Variants in NOTCH3 observed in about 807,000 individuals in gnomAD.
NOTCH3 encodes the protein neurogenic locus notch homolog protein 3.
A neutral mutation model predicts 213.3 loss-of-function variants in NOTCH3; 86 were observed. The observed-to-expected ratio is 0.40, with a 90% confidence interval of 0.34 to 0.48. The LOEUF (loss-of-function observed/expected upper bound fraction) is 0.48, where lower values mean the gene tolerates loss of function less well. Ranked by LOEUF, NOTCH3 falls within the 20% of genes least tolerant of loss-of-function variation. The probability of loss-of-function intolerance (pLI) is 0.57; values close to 1 mark genes in which losing one functional copy is unlikely to be tolerated. For synonymous variants in NOTCH3, 1,354 were observed against 1,355.9 expected, an observed-to-expected ratio of 1.00 and a Z score of 0.03; for missense variants, 2,783 against 3,272.6, an observed-to-expected ratio of 0.85 and a Z score of 3.65.
chr19:15,187,585 C>T (rs2046893911), intron 10 of NOTCH3, among the ~76,000 whole-genome samples: 1 of 151,660 alleles, frequency 6.6e-6, no homozygotes, highest in Admixed American at 6.6e-5. Flanking sequence ...GGCCCCACCT[C>T]CAGCCCTGTT....
chr19:15,165,017 T>A lies in NOTCH3; in HGVS notation c.5815+351A>T, dbSNP rs149069447. Among the ~76,000 whole-genome samples, 7 of 152,266 alleles carry A rather than the reference T, an allele frequency of 4.6e-5. No homozygotes were observed. The highest frequency in any genetic ancestry group is 8.8e-5 in the Non-Finnish European group (6 of 68,016). ...GTCTCAAACTCCTGGCCTCAAGTCA[T>A]CCTCCTGCCTCAGCCTCCCAAAGTG... is the stretch of plus-strand genomic sequence containing the variant. On this transcript the variant is annotated intron_variant, in intron 31 of 32. Transcript: ENST00000263388. This position sits in a 1 kb window ranked among gnomAD's most constrained non-coding sequence, Gnocchi z 4.7.
intron 15 of NOTCH3, 38 bp from the exon 16 acceptor site, chr19:15,184,488 G>A: frequency 6.2e-7 from 1 of 1,606,806 alleles, no homozygotes; most frequent in Non-Finnish European, 8.5e-7. Context: ...AGGGTTACAG[G>A]GTACAGAGCA....
chr19:15,175,301 GGT>G, intron 24 of NOTCH3, among the ~76,000 whole-genome samples: 1 of 133,564 alleles, frequency 7.5e-6, no homozygotes, highest in Non-Finnish European at 1.5e-5. Flanking sequence ...GGGAGGCCAA[GGT>G]GTACGGATAA....
chr19:15,167,377 A>G lies in NOTCH3; in HGVS notation c.5234T>C (p.Val1745Ala). 6.2e-7 allele frequency: 1 copy of G among 1,609,922 alleles called. No individual in the cohort carries two copies. The highest frequency in any genetic ancestry group is 8.5e-7 in the Non-Finnish European group (1 of 1,180,018). Reference protein sequence around the residue: ...EEPGMGAEEAVDCRQWTQHHL... With the variant: ...EEPGMGAEEAADCRQWTQHHL... ...GTGTTGAGTCCACTGACGGCAATCC[A>G]CAGCCTCCTCAGCCCCCATGCCTGG... Residue 1745 changes from valine (V) to alanine (A), a missense_variant, in exon 29 of 33, where the codon GTG becomes GCG. Physicochemically the swap from Val to Ala is moderately conservative, Grantham distance 64. Around this residue, in one of 6 missense-constraint regions of NOTCH3, gnomAD observed 636 missense variants for 801.8 expected, o/e 0.79. Coordinates refer to ENST00000263388, the MANE Select transcript of NOTCH3 (RefSeq NM_000435.3).
chr19:15,170,950 T>C (rs2046728903), intron 25 of NOTCH3, 125 bp from the exon 26 acceptor site: 1 of 1,022,706 alleles, frequency 9.8e-7, no homozygotes, highest in Non-Finnish European at 1.5e-6. Context: ...CAGGTCTCCA[T>C]GGCCCACCTG....
chr19:15,179,699 T>A, intron 20 of NOTCH3: 2 of 624,020 alleles, frequency 3.2e-6, no homozygotes, highest in Non-Finnish European at 2.9e-6. Context: ...CTGGCCAACA[T>A]GGTGAAACCC....
Position 15,197,463 on chromosome 19 carries a change from C to A in NOTCH3, c.197+37G>T. ...ATCGCCCCTCCCCCCCGCCCCCACACACAGGGCCCACTGGTGGCTCTGAGC... is the reference window on the plus strand; with the variant it reads ...ATCGCCCCTCCCCCCCGCCCCCACAAACAGGGCCCACTGGTGGCTCTGAGC... On this transcript the variant is annotated intron_variant, in intron 2 of 32. Transcript: ENST00000263388. 2 of 1,439,722 alleles carry A rather than the reference C, an allele frequency of 1.4e-6. 1 individual carries two copies. The highest frequency in any genetic ancestry group is 2.3e-5 in the South Asian group (2 of 85,476). 89.2% of individuals were successfully genotyped at this position (1,439,722 alleles called of 1,614,324 possible).
In NOTCH3 at chr19:15,161,283, AG is replaced by A. The variant is rs2145381890; in HGVS notation, c.6344del (p.Pro2115LeufsTer34). 1.3e-6 allele frequency: 2 copies of A among 1,538,624 alleles called. No individual in the cohort carries two copies. ...LDSPRPFGGP[P>X]ASPGGFPLEG... ...CAAGGGGGAAGCCACCAGGGGAAGC[AG>A]GGGGCCCACCGAAAGGCCGCGGGGA... On this transcript the variant is annotated frameshift_variant, in exon 33 of 33. Coordinates refer to ENST00000263388, the MANE Select transcript of NOTCH3 (RefSeq NM_000435.3). LOFTEE classifies it low-confidence loss of function (END_TRUNC).
chr19:15,185,562 G>C lies in NOTCH3; in HGVS notation c.2069C>G (p.Pro690Arg). The C allele has an allele frequency of 1.2e-6, 2 of 1,612,704 alleles. No homozygotes were observed. The highest frequency in any genetic ancestry group is 2.2e-5 in the East Asian group (1 of 44,786). The change falls in exon 13 of 33, where the codon CCA becomes CGA. Residue 690 changes from proline (P) to arginine (R), a missense_variant. This residue lies in a region of NOTCH3 where 861 missense variants were observed against 909.1 expected (regional missense o/e 0.95). Transcript: ENST00000263388. The surrounding 1 kb of genome is among the most constrained non-coding windows in gnomAD (Gnocchi z 4.2). The part of the protein sequence containing the change: ...RCLCPPGSLP[P>R]LCLPPSHPCA... ...GGGATGGCTCGGGGGGAGGCAGAGT[G>C]GGGGCAAGGAGCCAGGCGGGCAGAG...
At position 15,185,124 on chromosome 19, in the gene NOTCH3, C is replaced by T; in HGVS notation, c.2297-105G>A. 1.5e-6 allele frequency: 2 copies of T among 1,358,812 alleles called. No individual in the cohort carries two copies. Among genetic ancestry groups the T allele is most frequent in the South Asian group, 2.6e-5 (2 of 75,956 alleles). The allele number at this position is 1,358,812 out of a possible 1,614,324, so 84.2% of individuals were successfully genotyped here. Reference sequence around the variant, plus strand: ...CCAGGGTCCCCACCTTGATACCCACCTCCCAAGCTCCTGGAGGGAAATGAT... The same window carrying T: ...CCAGGGTCCCCACCTTGATACCCACTTCCCAAGCTCCTGGAGGGAAATGAT... On this transcript the variant is annotated intron_variant, in intron 14 of 32. Coordinates refer to ENST00000263388, the MANE Select transcript of NOTCH3 (RefSeq NM_000435.3). This position sits in a 1 kb window ranked among gnomAD's most constrained non-coding sequence, Gnocchi z 4.2.
In NOTCH3 at chr19:15,180,274, G is replaced by A. The variant is rs749681172; in HGVS notation, c.3143-18C>T. ...CCGCACCCCTGCAAAGAGGAGAGTG[G>A]CACAGGAACAGAGGTAACCCCATAC... is the stretch of plus-strand genomic sequence containing the variant. On this transcript the variant is annotated intron_variant, in intron 19 of 32. Coordinates refer to ENST00000263388, the MANE Select transcript of NOTCH3 (RefSeq NM_000435.3). The A allele has an allele frequency of 9.9e-6, 16 of 1,613,166 alleles. No individual in the cohort carries two copies. The Admixed American group carries it at 1.8e-4, about 18-fold the overall frequency.
In NOTCH3 at chr19:15,177,955, G is replaced by C. The variant is rs1226142846; in HGVS notation, c.3973C>G (p.Arg1325Gly). Residue 1325 changes from arginine (R) to glycine (G), a missense_variant, in exon 24 of 33, where the codon CGC becomes GGC. Physicochemically the swap from Arg to Gly is moderately radical, Grantham distance 125. Coordinates refer to ENST00000263388, the MANE Select transcript of NOTCH3 (RefSeq NM_000435.3). ...CPPGLSGPSC[R>G]SFPGSPPGAS... ...CCCGGCGGCGACCCCGGGAAGCTGCGGCAGGAGGGTCCCGACAACCCTGGG... is the reference window on the plus strand; with the variant it reads ...CCCGGCGGCGACCCCGGGAAGCTGCCGCAGGAGGGTCCCGACAACCCTGGG... 2.3e-6 allele frequency: 3 copies of C among 1,326,500 alleles called. No homozygotes were observed. The highest frequency in any genetic ancestry group is 3.1e-5 in the African/African-American group (2 of 65,062). The allele number at this position is 1,326,500 out of a possible 1,614,324, so 82.2% of individuals were successfully genotyped here.
intron 2 of NOTCH3, among the ~76,000 whole-genome samples, chr19:15,196,254 T>C (rs1568363530): frequency 6.6e-6 from 1 of 152,012 alleles, no homozygotes; most frequent in Non-Finnish European, 1.5e-5. Context: ...GTCGGCAGTA[T>C]TCCAGGCGCG....
chr19:15,189,056 C>G lies in NOTCH3; in HGVS notation c.1311G>C (p.Ser437=), dbSNP rs751762114. 14 of 1,613,044 alleles carry G rather than the reference C, an allele frequency of 8.7e-6. No individual in the cohort carries two copies. The highest frequency in any genetic ancestry group is 4.0e-5 in the African/African-American group (3 of 74,956). ...ACGTGGCCTGGTTTCGGCAGGGCCC[C>G]GACAGACACTCGTTGACATCGGTCT... ...RCETDVNECL[S]GPCRNQATCL... The change falls in exon 8 of 33, where the codon TCG becomes TCC. Residue 437 remains serine (S), a synonymous_variant. Transcript: ENST00000263388.
chr19:15,162,216 A>G, intron 32 of NOTCH3: 3 of 513,590 alleles, frequency 5.8e-6, no homozygotes, highest in Middle Eastern at 5.7e-4. Context: ...TCCTGAACTC[A>G]AGTAATCCAC....
At position 15,180,292 on chromosome 19, in the gene NOTCH3, C is replaced by T. The variant is rs200152062; in HGVS notation, c.3143-36G>A. ...GAGAGTGGCACAGGAACAGAGGTAA[C>T]CCCATACATCCCCCTTCTGCCTCCA... On this transcript the variant is annotated intron_variant, in intron 19 of 32. Transcript: ENST00000263388. The T allele has an allele frequency of 3.4e-4, 541 of 1,603,884 alleles. 4 individuals are homozygous for T. The highest frequency in any genetic ancestry group is 1.0e-4 in the Admixed American group (6 of 59,868).
intron 28 of NOTCH3, among the ~76,000 whole-genome samples, chr19:15,168,243 C>T (rs2145396213): frequency 6.6e-6 from 1 of 152,266 alleles, no homozygotes; most frequent in Non-Finnish European, 1.5e-5. Context: ...GATACCACCA[C>T]AATTACATTG....
Position 15,164,565 on chromosome 19 carries a change from C to G in NOTCH3, c.5815+803G>C, listed in dbSNP as rs1340439593. On this transcript the variant is annotated intron_variant, in intron 31 of 32. Coordinates refer to ENST00000263388, the MANE Select transcript of NOTCH3 (RefSeq NM_000435.3). ...TCAAAAAAAAAAATTAAAAAAAGGG[C>G]AACATAAGGAGAAAAAAATTAAATG... Among the ~76,000 whole-genome samples the G allele has an allele frequency of 4.8e-5, 7 of 145,632 alleles. 1 individual carries two copies. Among genetic ancestry groups the G allele is most frequent in the South Asian group, 2.2e-4 (1 of 4,580 alleles).
intron 2 of NOTCH3, among the ~76,000 whole-genome samples, chr19:15,195,454 C>T (rs1054562212): frequency 8.6e-5 from 13 of 151,604 alleles, no homozygotes; most frequent in Non-Finnish European, 1.3e-4. Flanking sequence ...GCTGCCAACC[C>T]TCACCCCCCT....
Sources: allele counts gnomAD v4.1 joint callset (sites outside exome capture counted in the v4.1 genomes callset), GRCh38; gene constraint gnomAD v4.1.1; regional missense constraint gnomAD v4.1.1; non-coding constraint Gnocchi (gnomAD v3.1); transcripts MANE v1.5; gene names NCBI Gene and HGNC (gene_info 2026-07-23, HGNC 2026-07-21).